Variants in ZFHX3 observed in about 807,000 individuals in gnomAD.
The protein encoded by ZFHX3 is zinc finger homeobox 3.
A neutral mutation model predicts 279.1 loss-of-function variants in ZFHX3; 42 were observed. The ratio of observed to expected loss-of-function variants is 0.15; its 90% confidence interval spans 0.12 to 0.19. The LOEUF (loss-of-function observed/expected upper bound fraction) is 0.19. ZFHX3 is among the 10% of genes least tolerant of loss of function. The pLI, the probability that ZFHX3 is intolerant of heterozygous loss-of-function variation, is 1.00. For missense variants in ZFHX3, 4,981 were observed against 4,754.0 expected, an observed-to-expected ratio of 1.05 and a Z score of -1.40; for synonymous variants, 2,293 against 1,957.8, an observed-to-expected ratio of 1.17 and a Z score of -4.52.
At chr16:73,277,528 T>G (rs1343776924) in intron 4 of ZFHX3, among the ~76,000 whole-genome samples, 3 of 152,160 alleles carry the variant, frequency 2.0e-5, no homozygotes, top group African/African-American at 7.2e-5. Flanking sequence ...CTCCCCAAAT[T>G]GTCGATGAAT....
chr16:73,163,816 C>CATAA (rs923338379), intron 5 of ZFHX3, among the ~76,000 whole-genome samples: 13 of 152,088 alleles, frequency 8.5e-5, no homozygotes, highest in Non-Finnish European at 1.6e-4. Context: ...CAATATTTTA[C>CATAA]ATAAATAAAT....
At chr16:73,466,141 G>A (rs2018566905) in intron 2 of ZFHX3, among the ~76,000 whole-genome samples, 1 of 151,720 alleles carries the variant, frequency 6.6e-6, no homozygotes, top group East Asian at 1.9e-4. Flanking sequence ...AAAGCAGGAG[G>A]CCCACATTCT....
chr16:73,835,046 G>A (rs1961101861), intron 1 of ZFHX3, among the ~76,000 whole-genome samples: 1 of 152,214 alleles, frequency 6.6e-6, no homozygotes, highest in Non-Finnish European at 1.5e-5. Flanking sequence ...GAAGTGACTG[G>A]AAAAGGTGTT....
intron 7 of ZFHX3, among the ~76,000 whole-genome samples, chr16:73,126,264 C>G (rs571215149): frequency 9.2e-5 from 14 of 152,122 alleles, no homozygotes; most frequent in Non-Finnish European, 1.9e-4. Flanking sequence ...CAAGGCCAAA[C>G]TAACAAAGCA....
rs373099738 is a variant in ZFHX3 at position 73,581,734 on chromosome 16, G to A, written c.-1547+98446C>T. Among the ~76,000 whole-genome samples, 42 of 128,132 alleles carry A rather than the reference G, an allele frequency of 3.3e-4. No individual in the cohort carries two copies. The East Asian group carries it at 8.1e-3, about 25-fold the overall frequency. The allele number at this position is 128,132 out of a possible 152,430, so 84.1% of individuals were successfully genotyped here. ...TGCCCAGGCTGGAGTGCAGTGGCAC[G>A]ATCTCAGTTCACTGCAACCTCCACC... On this transcript the variant is annotated intron_variant, in intron 2 of 17. Coordinates refer to the ZFHX3 transcript ENST00000641206.
chr16:73,654,591 G>A (rs2052703655), intron 2 of ZFHX3, among the ~76,000 whole-genome samples: 1 of 151,774 alleles, frequency 6.6e-6, no homozygotes, highest in African/African-American at 2.4e-5. Context: ...AACAATTCCA[G>A]CAATTTAAAA....
At chr16:72,897,284 T>C (rs1186966884) in intron 3 of ZFHX3, among the ~76,000 whole-genome samples, 2 of 152,156 alleles carry the variant, frequency 1.3e-5, no homozygotes, top group Non-Finnish European at 2.9e-5. Flanking sequence ...GTAATCTCAC[T>C]AACAAACCTG....
intron 1 of ZFHX3, among the ~76,000 whole-genome samples, chr16:73,797,793 A>G (rs1364513543): frequency 2.7e-5 from 4 of 150,018 alleles, no homozygotes; most frequent in Non-Finnish European, 5.9e-5. Flanking sequence ...TGTATAGGAC[A>G]AGCCTTCTGA....
intron 4 of ZFHX3, among the ~76,000 whole-genome samples, chr16:73,264,136 C>T (rs1489020339): frequency 6.6e-6 from 1 of 152,214 alleles, no homozygotes; most frequent in East Asian, 1.9e-4. Flanking sequence ...CACTGCACTC[C>T]AGCCTGGGCA....
chr16:72,800,461 T>C (rs2036062444), intron 7 of ZFHX3, among the ~76,000 whole-genome samples: 1 of 152,236 alleles, frequency 6.6e-6, no homozygotes, highest in Admixed American at 6.5e-5. Flanking sequence ...ATTAGGTAGA[T>C]AAGTTGAAAG....
chr16:72,872,484 G>A (rs537799596), intron 4 of ZFHX3, among the ~76,000 whole-genome samples: 3 of 152,162 alleles, frequency 2.0e-5, no homozygotes, highest in African/African-American at 7.2e-5. Context: ...TTGAGACAGA[G>A]TCTCACTGTG....
intron 2 of ZFHX3, among the ~76,000 whole-genome samples, chr16:73,552,563 T>C (rs1386009582): frequency 1.3e-5 from 2 of 152,166 alleles, no homozygotes; most frequent in Non-Finnish European, 2.9e-5. Flanking sequence ...TCTCATTTTC[T>C]CACCACCACT....
intron 2 of ZFHX3, among the ~76,000 whole-genome samples, chr16:73,537,314 CTTTTTTTTTTTTT>C (rs3051948): frequency 1.3e-5 from 1 of 77,592 alleles, no homozygotes; most frequent in African/African-American, 4.2e-5. Context: ...CTTTCTTCTT[CTTTTTTTTTTTTT>C]TTTTTTTTTT....
chr16:72,834,864 C>T lies in ZFHX3; in HGVS notation c.3449-5005G>A, dbSNP rs118154765. 3.4e-4 allele frequency among the ~76,000 whole-genome samples: 52 copies of T among 152,124 alleles called. No homozygotes were observed. In the East Asian group the frequency reaches 8.5e-3, roughly 25 times the overall value. On this transcript the variant is annotated intron_variant, in intron 4 of 9. Coordinates refer to ENST00000268489, the MANE Select transcript of ZFHX3 (RefSeq NM_006885.4). ...TAATGGGGGCCAAGTGACGTGTCCA[C>T]GGCGGGTATTCTACGAATCACTTAT...
At chr16:73,140,909 C>T (rs1966846237) in intron 6 of ZFHX3, among the ~76,000 whole-genome samples, 2 of 152,084 alleles carry the variant, frequency 1.3e-5, no homozygotes, top group East Asian at 1.9e-4. Context: ...CTTGGCTTTA[C>T]ACTCCCCAAG....
chr16:73,762,538 T>G (rs1299766295), intron 1 of ZFHX3, among the ~76,000 whole-genome samples: 1 of 152,210 alleles, frequency 6.6e-6, no homozygotes, highest in African/African-American at 2.4e-5. Flanking sequence ...GTATGCTCAT[T>G]GCGCACTACT....
At chr16:73,665,439 C>T (rs1050124049) in intron 2 of ZFHX3, among the ~76,000 whole-genome samples, 2 of 151,834 alleles carry the variant, frequency 1.3e-5, no homozygotes, top group South Asian at 2.1e-4. Flanking sequence ...GCCTCGAACT[C>T]CTGACCTCAA....
At chr16:73,295,985 C>T (rs1047701443) in intron 4 of ZFHX3, among the ~76,000 whole-genome samples, 4 of 152,110 alleles carry the variant, frequency 2.6e-5, no homozygotes, top group African/African-American at 9.7e-5. Flanking sequence ...ACTGTTGGCT[C>T]CCTGGATGGG....
intron 3 of ZFHX3, among the ~76,000 whole-genome samples, chr16:72,904,803 C>A (rs1472166934): frequency 3.9e-5 from 6 of 152,014 alleles, no homozygotes; most frequent in Non-Finnish European, 7.4e-5. Context: ...ACCAGGTGGT[C>A]CCGATCAGGG....
Sources: allele counts gnomAD v4.1 joint callset (sites outside exome capture counted in the v4.1 genomes callset), GRCh38; gene constraint gnomAD v4.1.1; transcripts MANE v1.5; gene names NCBI Gene and HGNC (gene_info 2026-07-23, HGNC 2026-07-21).